Variants in CDKAL1 observed in about 807,000 individuals in gnomAD.
CDKAL1 encodes CDKAL1 threonylcarbamoyladenosine tRNA methylthiotransferase.
In CDKAL1, 32 loss-of-function variants were observed where a neutral mutation model predicts 68.2. The ratio of observed to expected loss-of-function variants is 0.47; its 90% CI spans 0.35 to 0.63. CDKAL1 has a LOEUF of 0.63. CDKAL1 is among the 30% of genes least tolerant of loss of function. CDKAL1 has a pLI of 0.00. For synonymous variants in CDKAL1, 234 were observed against 244.3 expected, an observed-to-expected ratio of 0.96 and a Z score of 0.39; for missense variants, 606 against 696.7, an observed-to-expected ratio of 0.87 and a Z score of 1.47.
At chr6:20,707,711 A>G (rs1771665393) in intron 5 of CDKAL1, among the ~76,000 whole-genome samples, 1 of 152,238 alleles carries the variant, frequency 6.6e-6, no homozygotes, top group Non-Finnish European at 1.5e-5. Context: ...TTCCTCATGC[A>G]TGTAAGAGTA....
At chr6:20,653,891 G>A (rs544395829) in intron 5 of CDKAL1, among the ~76,000 whole-genome samples, 28 of 151,988 alleles carry the variant, frequency 1.8e-4, no homozygotes, top group Non-Finnish European at 3.1e-4. Context: ...GATTACAGAC[G>A]TGAGCCACTG....
At chr6:20,898,047 A>G (rs1363099176) in intron 9 of CDKAL1, among the ~76,000 whole-genome samples, 1 of 152,132 alleles carries the variant, frequency 6.6e-6, no homozygotes, top group African/African-American at 2.4e-5. Context: ...TTGTTAATCA[A>G]CAGATCTTTA....
At chr6:21,229,947 G>C (rs1007766739) in intron 15 of CDKAL1, among the ~76,000 whole-genome samples, 4 of 152,108 alleles carry the variant, frequency 2.6e-5, no homozygotes, top group Non-Finnish European at 5.9e-5. Context: ...CAGCTTCTCA[G>C]CTCTGCCCAA....
intron 5 of CDKAL1, among the ~76,000 whole-genome samples, chr6:20,660,501 A>C (rs1026273299): frequency 7.9e-5 from 12 of 152,180 alleles, no homozygotes; most frequent in Non-Finnish European, 2.9e-5. Flanking sequence ...TCTAACTTCT[A>C]ATATTGTATT....
intron 10 of CDKAL1, among the ~76,000 whole-genome samples, chr6:20,978,546 G>C (rs1765957869): frequency 6.6e-6 from 1 of 152,180 alleles, no homozygotes; most frequent in South Asian, 2.1e-4. Context: ...GGAAACAGAT[G>C]TTAGGTGAGA....
chr6:20,815,964 G>T (rs1777025973), intron 8 of CDKAL1, among the ~76,000 whole-genome samples: 1 of 152,060 alleles, frequency 6.6e-6, no homozygotes, highest in Non-Finnish European at 1.5e-5. Context: ...CAAGGTGTAG[G>T]CAGTACCATG....
intron 11 of CDKAL1, among the ~76,000 whole-genome samples, chr6:21,028,106 G>T (rs959103943): frequency 1.1e-4 from 17 of 152,154 alleles, no homozygotes; most frequent in African/African-American, 4.1e-4. Context: ...GGTCATCTGG[G>T]CTGAATGGAG....
intron 11 of CDKAL1, among the ~76,000 whole-genome samples, chr6:21,025,377 T>G (rs1768898295): frequency 6.6e-6 from 1 of 152,212 alleles, no homozygotes; most frequent in Non-Finnish European, 1.5e-5. Context: ...CACTGACATG[T>G]CTGCTCTAGT....
intron 11 of CDKAL1, among the ~76,000 whole-genome samples, chr6:21,041,489 A>G (rs1769921135): frequency 2.6e-5 from 4 of 152,134 alleles, no homozygotes; most frequent in Admixed American, 2.0e-4. Context: ...AAAAAAACTC[A>G]GGCTTAAATC....
intron 7 of CDKAL1, among the ~76,000 whole-genome samples, chr6:20,775,451 C>T (rs1172725903): frequency 2.0e-5 from 3 of 152,152 alleles, no homozygotes; most frequent in Non-Finnish European, 2.9e-5. Flanking sequence ...CAGTGGCTAA[C>T]GAGAAAGGAT....
At chr6:21,111,223 C>T (rs1252439109) in intron 13 of CDKAL1, among the ~76,000 whole-genome samples, 1 of 152,094 alleles carries the variant, frequency 6.6e-6, no homozygotes, top group African/African-American at 2.4e-5. Context: ...TTTTAATGTT[C>T]ATTTTCCCCT....
At chr6:21,191,492 G>A (rs909028772) in intron 13 of CDKAL1, among the ~76,000 whole-genome samples, 6 of 152,192 alleles carry the variant, frequency 3.9e-5, no homozygotes, top group Admixed American at 2.0e-4. Context: ...CTCTGCTCAA[G>A]GAAAAGTCAT....
At chr6:20,972,526 A>G (rs1210751315) in intron 10 of CDKAL1, among the ~76,000 whole-genome samples, 1 of 152,226 alleles carries the variant, frequency 6.6e-6, no homozygotes, top group Non-Finnish European at 1.5e-5. Context: ...AACAGAAAGC[A>G]GGATAAACAA....
chr6:21,017,686 G>A (rs867404876), intron 11 of CDKAL1, among the ~76,000 whole-genome samples: 22 of 152,172 alleles, frequency 1.4e-4, no homozygotes, highest in East Asian at 1.9e-4. Context: ...GGCTGACTCC[G>A]TACACTAAAT....
chr6:20,786,494 C>CTTTTTT (rs1197574844), intron 8 of CDKAL1, among the ~76,000 whole-genome samples: 146 of 80,756 alleles, frequency 1.8e-3, no homozygotes, highest in Non-Finnish European at 2.4e-3. Flanking sequence ...TTTTTCTTAT[C>CTTTTTT]TTTTTTTTTT....
intron 10 of CDKAL1, among the ~76,000 whole-genome samples, chr6:20,979,145 C>G (rs191217568): frequency 6.6e-6 from 1 of 152,078 alleles, no homozygotes; most frequent in Non-Finnish European, 1.5e-5. Flanking sequence ...GTTTCCCTAG[C>G]GGCATATACC....
intron 9 of CDKAL1, among the ~76,000 whole-genome samples, chr6:20,879,386 G>A (rs2150558681): frequency 6.6e-6 from 1 of 152,282 alleles, no homozygotes; most frequent in East Asian, 1.9e-4. Context: ...GCTCTCAGAT[G>A]GTTAAAAAAC....
In CDKAL1 at chr6:20,968,661, C is replaced by A. The variant is rs547622715; in HGVS notation, c.909+13076C>A. Among the ~76,000 whole-genome samples the A allele has an allele frequency of 4.6e-5, 7 of 151,956 alleles. No homozygotes were observed. In the South Asian group the frequency reaches 1.5e-3, roughly 32 times the overall value. The stretch of plus-strand genomic sequence containing the variant: ...CTGTCTTCAAGTTTGCTGATTGTTT[C>A]TTCTGCTTGTTCAGATCTCTTGCAG... On this transcript the variant is annotated intron_variant, in intron 10 of 15. Transcript: ENST00000274695.
rs74369445 is a variant in CDKAL1, at chr6:20,607,072, G to A, written c.287-42221G>A. 1.6e-3 allele frequency among the ~76,000 whole-genome samples: 245 copies of A among 152,330 alleles called. 6 individuals are homozygous for A. In the East Asian group the frequency reaches 0.045, roughly 28 times the overall value. ...GGCTGGGTCTTTGACTGCTAGGCAA[G>A]TATTAACACCTCATCACACACATGG... is the stretch of plus-strand genomic sequence containing the variant. On this transcript the variant is annotated intron_variant, in intron 4 of 15. Coordinates refer to ENST00000274695, the MANE Select transcript of CDKAL1 (RefSeq NM_017774.3).
Sources: allele counts gnomAD v4.1 joint callset (sites outside exome capture counted in the v4.1 genomes callset), GRCh38; gene constraint gnomAD v4.1.1; transcripts MANE v1.5; gene names NCBI Gene and HGNC (gene_info 2026-07-23, HGNC 2026-07-21).